The following RIT2 variants were observed in gnomAD, a reference collection of about 807,000 sequenced individuals.
The protein encoded by RIT2 is GTP-binding protein Rit2.
A neutral mutation model predicts 23.7 loss-of-function variants in RIT2; 24 were observed. The ratio of observed to expected loss-of-function variants is 1.01; its 90% CI spans 0.73 to 1.43. The LOEUF is 1.43. Among genes scored for constraint, RIT2 ranks in the 40% most tolerant of loss-of-function variants. RIT2 has a pLI of 0.00. For synonymous variants in RIT2, 107 were observed against 91.1 expected (o/e 1.17, Z -0.99); for missense variants, 236 against 266.9 (o/e 0.88, Z 0.81).
intron 4 of RIT2, among the ~76,000 whole-genome samples, chr18:42,888,337 T>TTTGG (rs1001095849): frequency 6.6e-6 from 1 of 151,820 alleles, no homozygotes; most frequent in African/African-American, 2.4e-5. Context: ...TGTTTGTTTG[T>TTTGG]TTGGTTGGTT....
At chr18:42,828,573 A>G (rs1471180772) in intron 4 of RIT2, among the ~76,000 whole-genome samples, 1 of 152,234 alleles carries the variant, frequency 6.6e-6, no homozygotes, top group Non-Finnish European at 1.5e-5. Context: ...TGGTTGAGTT[A>G]ATATAAGAGA....
chr18:42,960,845 T>G (rs771299014), intron 3 of RIT2, among the ~76,000 whole-genome samples: 4 of 152,236 alleles, frequency 2.6e-5, no homozygotes, highest in Non-Finnish European at 5.9e-5. Flanking sequence ...TACTCATCAC[T>G]TCCTCAAGAT....
At chr18:42,802,024 T>C (rs1302177776) in intron 4 of RIT2, among the ~76,000 whole-genome samples, 1 of 152,188 alleles carries the variant, frequency 6.6e-6, no homozygotes. Context: ...GTAATTTTTA[T>C]CTGACTTATT....
intron 1 of RIT2, among the ~76,000 whole-genome samples, chr18:43,040,823 A>C (rs535574949): frequency 8.8e-4 from 133 of 151,334 alleles, no homozygotes; most frequent in Middle Eastern, 3.4e-3. Flanking sequence ...TTTCCCCCCC[A>C]AAAAAAAATC....
At chr18:42,942,612 G>A (rs1225263067) in intron 3 of RIT2, among the ~76,000 whole-genome samples, 1 of 152,024 alleles carries the variant, frequency 6.6e-6, no homozygotes, top group East Asian at 1.9e-4. Context: ...TTCTCCAAGT[G>A]CTTGGGCTTC....
chr18:42,924,256 C>G (rs1372227007), intron 3 of RIT2, among the ~76,000 whole-genome samples: 5 of 152,030 alleles, frequency 3.3e-5, no homozygotes, highest in Admixed American at 2.6e-4. Flanking sequence ...TTTTTCTACT[C>G]AAAAATATGA....
intron 2 of RIT2, among the ~76,000 whole-genome samples, chr18:42,985,650 T>C (rs1358046970): frequency 2.0e-5 from 3 of 152,142 alleles, no homozygotes; most frequent in Non-Finnish European, 2.9e-5. Flanking sequence ...ATAAATAAAA[T>C]TGTTAATGGA....
At chr18:42,851,914 T>C (rs17635858) in intron 4 of RIT2, among the ~76,000 whole-genome samples, 15,842 of 152,166 alleles carry the variant, frequency 0.1, 956 homozygotes, top group Middle Eastern at 0.25. Flanking sequence ...CCATGGGTAA[T>C]ATTTGCTCTC....
chr18:42,984,146 T>C (rs1161148346), intron 2 of RIT2, among the ~76,000 whole-genome samples: 1 of 152,100 alleles, frequency 6.6e-6, no homozygotes, highest in Non-Finnish European at 1.5e-5. Context: ...CAAAAAACTG[T>C]ACACATAGCA....
intron 2 of RIT2, among the ~76,000 whole-genome samples, chr18:43,032,694 G>A (rs1568061736): frequency 5.3e-3 from 4 of 748 alleles, no homozygotes; most frequent in Admixed American, 0.038. Flanking sequence ...CTAATTGCAT[G>A]TACTAAATCT....
chr18:43,028,007 T>C (rs1210162123), intron 2 of RIT2, among the ~76,000 whole-genome samples: 2 of 152,096 alleles, frequency 1.3e-5, no homozygotes, highest in African/African-American at 4.8e-5. Flanking sequence ...AGGTCCTGTA[T>C]GAAATTCAGA....
intron 2 of RIT2, among the ~76,000 whole-genome samples, chr18:43,026,636 G>GAAAGAA (rs1213553404): frequency 7.0e-6 from 1 of 143,664 alleles, no homozygotes; most frequent in Non-Finnish European, 1.5e-5. Context: ...AAGAAAGAAA[G>GAAAGAA]AGAGAAAGAA....
At chr18:42,885,953 C>A (rs186085988) in intron 4 of RIT2, among the ~76,000 whole-genome samples, 5 of 152,208 alleles carry the variant, frequency 3.3e-5, no homozygotes, top group Admixed American at 3.3e-4. Flanking sequence ...ATGAAGGGGC[C>A]GGAGTCCAAC....
At chr18:42,863,942 G>T (rs1907399429) in intron 4 of RIT2, among the ~76,000 whole-genome samples, 3 of 151,986 alleles carry the variant, frequency 2.0e-5, no homozygotes, top group Middle Eastern at 3.4e-3. Flanking sequence ...TCAGGTACTG[G>T]GTCTGTTAAA....
At chr18:42,870,022 T>C (rs1359228577) in intron 4 of RIT2, among the ~76,000 whole-genome samples, 3 of 152,218 alleles carry the variant, frequency 2.0e-5, no homozygotes, top group Non-Finnish European at 4.4e-5. Context: ...CTGTTTTCTT[T>C]GTTTAGTTTT....
At chr18:43,046,433 T>G (rs1035883162) in intron 1 of RIT2, among the ~76,000 whole-genome samples, 6 of 152,170 alleles carry the variant, frequency 3.9e-5, no homozygotes, top group African/African-American at 1.4e-4. Flanking sequence ...TGGACTGGAT[T>G]TCATCTTGCC....
intron 3 of RIT2, among the ~76,000 whole-genome samples, chr18:42,969,666 C>T (rs1377597949): frequency 7.0e-6 from 1 of 143,156 alleles, no homozygotes; most frequent in African/African-American, 2.6e-5. Context: ...GATATGTTAG[C>T]ATTTCAAAAA....
intron 4 of RIT2, among the ~76,000 whole-genome samples, chr18:42,897,557 T>C (rs767145245): frequency 1.3e-5 from 2 of 152,184 alleles, no homozygotes; most frequent in Non-Finnish European, 2.9e-5. Flanking sequence ...TCATACTTTG[T>C]TTATGTATAA....
intron 1 of RIT2, among the ~76,000 whole-genome samples, chr18:43,056,116 C>T (rs1418645405): frequency 1.3e-5 from 2 of 152,004 alleles, no homozygotes; most frequent in African/African-American, 4.8e-5. Flanking sequence ...AAATAATATC[C>T]CTAGACCTGC....
Sources: allele counts gnomAD v4.1 joint callset (sites outside exome capture counted in the v4.1 genomes callset), GRCh38; gene constraint gnomAD v4.1.1; transcripts MANE v1.5; gene names NCBI Gene and HGNC (gene_info 2026-07-23, HGNC 2026-07-21).